DNAJC10: variants seen among roughly 807,000 people sequenced by gnomAD.
DNAJC10 encodes DnaJ heat shock protein family (Hsp40) member C10, also known as endoplasmic reticulum disulfide reductase DNAJC10.
A neutral mutation model predicts 115.0 loss-of-function variants in DNAJC10; 101 were observed. The observed-to-expected ratio is 0.88, with a 90% CI of 0.75 to 1.04. The LOEUF is 1.04. Among genes scored for constraint, DNAJC10 ranks in the 50% least tolerant of loss-of-function variants. The pLI is 0.00. For missense variants in DNAJC10, 981 were observed against 928.8 expected (o/e 1.06, Z -0.73); for synonymous variants, 307 against 301.5 (o/e 1.02, Z -0.19).
At chr2:182,777,011 TTGAG>T in intron 23 of DNAJC10, 106 bp from the exon 24 acceptor site, 1 of 632,658 alleles carries the variant, frequency 1.6e-6, no homozygotes, top group Non-Finnish European at 2.5e-6. Context: ...AATAAGAATA[TTGAG>T]TATTTCTGAA....
chr2:182,743,747 G>T, intron 14 of DNAJC10, 35 bp downstream of exon 14: 1 of 1,421,872 alleles, frequency 7.0e-7, no homozygotes. Context: ...AAAAAACTTA[G>T]CTTCATTTTC....
rs1392651559 is a variant in DNAJC10 at position 182,791,481 on chromosome 2, T to C, written c.*14349T>C. 2 of 152,220 alleles carry C rather than the reference T, an allele frequency of 1.3e-5. No homozygotes were observed. The highest frequency in any genetic ancestry group is 4.8e-5 in the African/African-American group (2 of 41,460). The allele number at this position is 152,220 out of a possible 1,614,324, so 9.4% of individuals were successfully genotyped here. ...TTCAGCCCAGCTAGAAGTCAACGTG[T>C]GTTTCTGAAACTATGCTGGGGAAAG... On this transcript the variant is annotated 3_prime_UTR_variant, in exon 24 of 24. Coordinates refer to ENST00000264065, the MANE Select transcript of DNAJC10 (RefSeq NM_018981.4).
intron 18 of DNAJC10, among the ~76,000 whole-genome samples, chr2:182,757,102 A>G (rs776142123): frequency 6.6e-6 from 1 of 152,324 alleles, no homozygotes; most frequent in African/African-American, 2.4e-5. Flanking sequence ...AGCTTTCAGC[A>G]TGTGTATTTA....
chr2:182,730,476 A>G (rs1432672213), intron 8 of DNAJC10: 5 of 423,230 alleles, frequency 1.2e-5, no homozygotes, highest in Non-Finnish European at 2.4e-5. Context: ...CAGTGACTTC[A>G]TTAGTGAGGA....
rs564557062 is a variant in DNAJC10, at chr2:182,772,641, GGTGTTTTGTTTTGTTTTGTTTTGTTTT to G, written c.2266-2672_2266-2646del. Among the ~76,000 whole-genome samples, 586 of 151,660 alleles carry G rather than the reference GGTGTTTTGTTTTGTTTTGTTTTGTTTT, an allele frequency of 3.9e-3. 6 individuals are homozygous for G. The highest frequency in any genetic ancestry group is 0.014 in the African/African-American group (563 of 41,340). On this transcript the variant is annotated intron_variant, in intron 22 of 23. Coordinates refer to ENST00000264065, the MANE Select transcript of DNAJC10 (RefSeq NM_018981.4). ...ATCAGAGACTAGGATTGCAACCCAT[GGTGTTTTGTTTTGTTTTGTTTTGTTTT>G]GTTTTTTGGTTTCCATTTGCTTGGT...
intron 14 of DNAJC10, among the ~76,000 whole-genome samples, chr2:182,746,721 G>T (rs1693877769): frequency 6.6e-6 from 1 of 152,066 alleles, no homozygotes; most frequent in Non-Finnish European, 1.5e-5. Context: ...CTGTGCAGAA[G>T]CTCTTTAGTT....
chr2:182,732,194 T>C (rs1485115759), intron 9 of DNAJC10, among the ~76,000 whole-genome samples: 1 of 152,042 alleles, frequency 6.6e-6, no homozygotes, highest in Non-Finnish European at 1.5e-5. Context: ...TAAAATGGAT[T>C]GTTGATAGGA....
rs771738524 is a variant in DNAJC10, at chr2:182,756,345, C to CA, written c.1686dup (p.Pro563ThrfsTer20). The CA allele has an allele frequency of 6.2e-6, 10 of 1,613,764 alleles. No homozygotes were observed. In the South Asian group the frequency reaches 1.1e-4, roughly 18 times the overall value. ...ATGAATCCTTCAGTGGTCTCCCTTA[C>CA]ACCCACCACCTTCAACGAACTAGTT... On this transcript the variant is annotated frameshift_variant, in exon 18 of 24. Transcript: ENST00000264065. LOFTEE classifies it high-confidence loss of function.
In DNAJC10 at chr2:182,780,312, C is replaced by T; in HGVS notation, c.*3180C>T. On this transcript the variant is annotated 3_prime_UTR_variant, in exon 24 of 24. Transcript: ENST00000264065. ...GTGCCTTCCCCAGTGGTAATGAGTT[C>T]CTGCTGTGTTTATTCCTGCAAGAGC... is the stretch of plus-strand genomic sequence containing the variant. 1 of 152,072 alleles carries T rather than the reference C, an allele frequency of 6.6e-6. No individual in the cohort carries two copies. The highest frequency in any genetic ancestry group is 1.9e-4 in the East Asian group (1 of 5,170). The allele number at this position is 152,072 out of a possible 1,614,324, so 9.4% of individuals were successfully genotyped here. A position where few individuals can be genotyped will look rare whatever the true frequency, so the allele number is the denominator to read the frequency against.
rs1442369003 is a variant in DNAJC10 at position 182,728,602 on chromosome 2, T to A, written c.445T>A (p.Trp149Arg). 6.2e-7 allele frequency: 1 copy of A among 1,612,242 alleles called. No individual in the cohort carries two copies. Among genetic ancestry groups the A allele is most frequent in the East Asian group, 2.2e-5 (1 of 44,788 alleles). The change falls in exon 6 of 24, where the codon TGG (tryptophan) becomes AGG (arginine). Residue 149 changes from tryptophan to arginine, a missense_variant. Coordinates refer to ENST00000264065, the MANE Select transcript of DNAJC10 (RefSeq NM_018981.4). ...FDAAVNSGEL[W>R]FVNFYSPGCS... is the part of the protein sequence containing the mutation. The stretch of plus-strand genomic sequence containing the variant: ...TGCTGCTGTTAATTCTGGAGAACTG[T>A]GGTTTGTAAATTTTTACTCCCCAGG...
chr2:182,753,454 A>G (rs185909575), intron 16 of DNAJC10, among the ~76,000 whole-genome samples: 1 of 152,190 alleles, frequency 6.6e-6, no homozygotes, highest in African/African-American at 2.4e-5. Context: ...ACATTTTTAT[A>G]AAAGGAAATA....
rs1315969244 is a variant in DNAJC10, at chr2:182,783,797, A to G, written c.*6665A>G. ...AACTTGGGTATATTACTTGAAGATC[A>G]ACTATATTGTTATTTTTAGTATGTT... is the stretch of plus-strand genomic sequence containing the variant. On this transcript the variant is annotated 3_prime_UTR_variant, in exon 24 of 24. Coordinates refer to ENST00000264065, the MANE Select transcript of DNAJC10 (RefSeq NM_018981.4). 4.6e-5 allele frequency: 7 copies of G among 152,142 alleles called. No individual in the cohort carries two copies. Among genetic ancestry groups the G allele is most frequent in the African/African-American group, 7.2e-5 (3 of 41,432 alleles). The allele number at this position is 152,142 out of a possible 1,614,324, so 9.4% of individuals were successfully genotyped here. A position where few individuals can be genotyped will look rare whatever the true frequency, so the allele number is the denominator to read the frequency against.
intron 5 of DNAJC10, 76 bp downstream of exon 5, chr2:182,722,151 T>A: frequency 1.9e-6 from 2 of 1,036,758 alleles, no homozygotes; most frequent in Non-Finnish European, 2.9e-6. Context: ...GATATATATG[T>A]TTGAAATTTA....
intron 3 of DNAJC10, 46 bp from the exon 4 acceptor site, chr2:182,719,961 A>C: frequency 8.6e-7 from 1 of 1,166,880 alleles, no homozygotes; most frequent in Non-Finnish European, 1.2e-6. Context: ...AGAAACTTGG[A>C]TTGTGTATCT....
intron 22 of DNAJC10, among the ~76,000 whole-genome samples, chr2:182,774,353 C>T (rs1034686599): frequency 4.6e-5 from 7 of 152,182 alleles, no homozygotes; most frequent in East Asian, 3.9e-4. Flanking sequence ...GCTCAAATGC[C>T]GTTCTGGGAG....
intron 22 of DNAJC10, among the ~76,000 whole-genome samples, chr2:182,773,232 T>A (rs527931977): frequency 9.2e-5 from 14 of 152,318 alleles, no homozygotes; most frequent in African/African-American, 3.1e-4. Flanking sequence ...CCTTTGAGGG[T>A]AACTCGACCT....
intron 10 of DNAJC10, among the ~76,000 whole-genome samples, chr2:182,735,440 A>G (rs183157595): frequency 9.9e-5 from 15 of 152,098 alleles, no homozygotes; most frequent in African/African-American, 2.9e-4. Context: ...ATCAAGATCT[A>G]TTCTTTCTTA....
intron 2 of DNAJC10, 38 bp downstream of exon 2, chr2:182,717,110 A>C (rs558230833): frequency 6.6e-6 from 1 of 152,368 alleles, no homozygotes; most frequent in South Asian, 2.1e-4. Context: ...TTTAGGATTA[A>C]ATGAAAAACA....
intron 11 of DNAJC10, among the ~76,000 whole-genome samples, chr2:182,737,747 TCTG>T (rs1693619847): frequency 6.6e-6 from 1 of 152,212 alleles, no homozygotes. Flanking sequence ...CCTCCATAAA[TCTG>T]CTTCATCCAG....
Sources: gnomAD v4.1 joint callset for allele counts (sites outside exome capture counted in the v4.1 genomes callset) on GRCh38, gnomAD v4.1.1 for gene constraint, MANE v1.5 for transcripts, NCBI Gene and HGNC (gene_info 2026-07-23, HGNC 2026-07-21) for gene names.